Variants in PRKCA observed in about 807,000 individuals in gnomAD.
PRKCA encodes protein kinase C alpha.
Under a neutral mutation model 87.0 loss-of-function variants are expected in PRKCA, and 27 were observed. The observed-to-expected ratio is 0.31, with a 90% CI of 0.23 to 0.43. The LOEUF (loss-of-function observed/expected upper bound fraction) is 0.43. PRKCA is among the 20% of genes least tolerant of loss of function. PRKCA has a pLI of 1.00. For missense variants in PRKCA, 518 were observed against 852.3 expected, an observed-to-expected ratio of 0.61 and a Z score of 4.88; for synonymous variants, 329 against 311.1, an observed-to-expected ratio of 1.06 and a Z score of -0.61.
intron 16 of PRKCA, among the ~76,000 whole-genome samples, chr17:66,801,768 C>G (rs1184381486): frequency 6.6e-6 from 1 of 152,182 alleles, no homozygotes; most frequent in Non-Finnish European, 1.5e-5. Flanking sequence ...GACAGTAAGC[C>G]TCATGTCTGT....
At chr17:66,725,641 T>C (rs1227117727) in intron 8 of PRKCA, among the ~76,000 whole-genome samples, 1 of 147,554 alleles carries the variant, frequency 6.8e-6, no homozygotes, top group African/African-American at 2.6e-5. Flanking sequence ...TAAAACCGCA[T>C]GTCTACAAAA....
chr17:66,609,960 G>A (rs1226676248), intron 3 of PRKCA, among the ~76,000 whole-genome samples: 1 of 151,824 alleles, frequency 6.6e-6, no homozygotes, highest in East Asian at 1.9e-4. Flanking sequence ...GACACCAACC[G>A]GGTGTCCTAT....
chr17:66,722,291 G>A (rs1973633894), intron 8 of PRKCA, among the ~76,000 whole-genome samples: 1 of 152,154 alleles, frequency 6.6e-6, no homozygotes, highest in South Asian at 2.1e-4. Flanking sequence ...CTTAGCAGCT[G>A]CAAACTTTTA....
rs144172717 is a variant in PRKCA, at chr17:66,788,883, G to T, written c.1758G>T (p.Glu586Asp). 2.9e-5 allele frequency: 46 copies of T among 1,613,976 alleles called. No homozygotes were observed. Among genetic ancestry groups the T allele is most frequent in the African/African-American group, 1.3e-4 (10 of 74,912 alleles). ...HPAKRLGCGP[E>D]GERDVREHAF... is the part of the protein sequence containing the mutation. The stretch of plus-strand genomic sequence containing the variant: ...CCAAGCGGCTGGGCTGTGGGCCTGA[G>T]GGGGAGAGGGACGTGAGAGAGCATG... The change falls in exon 16 of 17, where the codon GAG becomes GAT. Residue 586 changes from glutamate to aspartate, a missense_variant. This residue lies in a region of PRKCA where 159 missense variants were observed against 232.4 expected (regional missense o/e 0.68). Coordinates refer to ENST00000413366, the MANE Select transcript of PRKCA (RefSeq NM_002737.3).
intron 3 of PRKCA, among the ~76,000 whole-genome samples, chr17:66,537,403 A>G (rs758535533): frequency 1.5e-4 from 23 of 152,236 alleles, no homozygotes; most frequent in Non-Finnish European, 1.6e-4. Flanking sequence ...AGGTAGTGTT[A>G]AGAATCACAA....
At chr17:66,697,363 G>A (rs1387442744) in intron 8 of PRKCA, among the ~76,000 whole-genome samples, 1 of 152,194 alleles carries the variant, frequency 6.6e-6, no homozygotes, top group Admixed American at 6.5e-5. Flanking sequence ...GGACAAGAGT[G>A]TCTTTGTAGG....
intron 3 of PRKCA, among the ~76,000 whole-genome samples, chr17:66,553,399 C>T (rs1968401831): frequency 1.3e-5 from 2 of 152,156 alleles, no homozygotes; most frequent in African/African-American, 4.8e-5. Context: ...TAGTTTCCTT[C>T]CTCTTGTGTG....
chr17:66,766,490 C>T (rs542414898), intron 13 of PRKCA, among the ~76,000 whole-genome samples: 11 of 152,122 alleles, frequency 7.2e-5, no homozygotes, highest in Non-Finnish European at 1.6e-4. Flanking sequence ...TTGTTCAGCC[C>T]TCACTGATCC....
chr17:66,523,521 A>G (rs1483610659), intron 3 of PRKCA, among the ~76,000 whole-genome samples: 1 of 152,230 alleles, frequency 6.6e-6, no homozygotes, highest in Non-Finnish European at 1.5e-5. Context: ...TAAAATGCCT[A>G]GCTCTTTGCC....
chr17:66,401,873 T>C (rs560541624), intron 2 of PRKCA, among the ~76,000 whole-genome samples: 1 of 152,326 alleles, frequency 6.6e-6, no homozygotes, highest in African/African-American at 2.4e-5. Flanking sequence ...TTGGGTTTGA[T>C]GTGTCTGTAG....
At chr17:66,330,812 C>T (rs1257868375) in intron 2 of PRKCA, among the ~76,000 whole-genome samples, 6 of 152,104 alleles carry the variant, frequency 3.9e-5, no homozygotes, top group Non-Finnish European at 8.8e-5. Flanking sequence ...TCTGCGAGTG[C>T]GAGTGAAGCT....
chr17:66,448,579 C>T lies in PRKCA; in HGVS notation c.206-47622C>T, dbSNP rs1914153293. Among the ~76,000 whole-genome samples, 5 of 152,220 alleles carry T rather than the reference C, an allele frequency of 3.3e-5. No individual in the cohort carries two copies. In the South Asian group the frequency reaches 1.0e-3, roughly 32 times the overall value. On this transcript the variant is annotated intron_variant, in intron 2 of 16. Coordinates refer to ENST00000413366, the MANE Select transcript of PRKCA (RefSeq NM_002737.3). ...TATAGTATATATTAAAATAAAGTCA[C>T]ACAAAAATCCAAGTTTAGTGATTAA...
At chr17:66,663,841 GT>G (rs1167643020) in intron 5 of PRKCA, among the ~76,000 whole-genome samples, 1 of 149,474 alleles carries the variant, frequency 6.7e-6, no homozygotes, top group Non-Finnish European at 1.5e-5. Context: ...AGTGTTTTTT[GT>G]TGTTGTTGTT....
intron 2 of PRKCA, among the ~76,000 whole-genome samples, chr17:66,383,399 A>ATTT: frequency 6.8e-6 from 1 of 147,258 alleles, no homozygotes; most frequent in African/African-American, 2.5e-5. Flanking sequence ...GGAAAAGCCT[A>ATTT]TTTTTTTTTT....
intron 3 of PRKCA, among the ~76,000 whole-genome samples, chr17:66,546,801 GTGTTTTGTTT>G: frequency 6.6e-6 from 1 of 152,178 alleles, no homozygotes; most frequent in African/African-American, 2.4e-5. Flanking sequence ...TTACCTCTTC[GTGTTTTGTTT>G]TGTTTTGTTT....
chr17:66,764,078 C>A (rs984277177), intron 13 of PRKCA, among the ~76,000 whole-genome samples: 1 of 152,294 alleles, frequency 6.6e-6, no homozygotes, highest in South Asian at 2.1e-4. Flanking sequence ...GGTTCTAATC[C>A]AAGCGTTGCT....
chr17:66,574,722 C>CA (rs56913809), intron 3 of PRKCA, among the ~76,000 whole-genome samples: 29,622 of 131,068 alleles, frequency 0.23, 2,947 homozygotes, highest in East Asian at 0.35. Context: ...ATTCCAAAAT[C>CA]AAAAAAAAAA....
chr17:66,451,442 T>C (rs775705894), intron 2 of PRKCA, among the ~76,000 whole-genome samples: 3 of 152,096 alleles, frequency 2.0e-5, no homozygotes, highest in Non-Finnish European at 4.4e-5. Flanking sequence ...TTTTGGGCTT[T>C]TGTTTTTGGT....
intron 2 of PRKCA, among the ~76,000 whole-genome samples, chr17:66,347,941 CTT>C (rs57292153): frequency 2.3e-4 from 13 of 56,454 alleles, no homozygotes; most frequent in Middle Eastern, 0.026. Context: ...AATTCTGAAC[CTT>C]TTTTTTTTTT....
Sources: allele counts gnomAD v4.1 joint callset (sites outside exome capture counted in the v4.1 genomes callset), GRCh38; gene constraint gnomAD v4.1.1; regional missense constraint gnomAD v4.1.1; transcripts MANE v1.5; gene names NCBI Gene and HGNC (gene_info 2026-07-23, HGNC 2026-07-21).